ATP11A: variants seen among roughly 807,000 people sequenced by gnomAD.
ATP11A encodes the protein phospholipid-transporting ATPase IH.
In ATP11A, 81 loss-of-function variants were observed where a neutral mutation model predicts 154.4. That is an observed-to-expected ratio of 0.52 (90% CI 0.44 to 0.63). The LOEUF is 0.63. Ranked by LOEUF, ATP11A falls within the 30% of genes least tolerant of loss-of-function variation. The pLI, the probability that ATP11A is intolerant of heterozygous loss-of-function variation, is 0.00. For missense variants in ATP11A, 1,316 were observed against 1,474.3 expected (o/e 0.89, Z 1.76); for synonymous variants, 623 against 585.9 (o/e 1.06, Z -0.91).
At chr13:112,742,458 G>C (rs552902815) in intron 1 of ATP11A, among the ~76,000 whole-genome samples, 28 of 152,310 alleles carry the variant, frequency 1.8e-4, no homozygotes, top group African/African-American at 6.0e-4. Flanking sequence ...TGTGTGGGGG[G>C]ACTTATGACA....
At chr13:112,793,059 G>A (rs563341494) in intron 2 of ATP11A, among the ~76,000 whole-genome samples, 5 of 152,236 alleles carry the variant, frequency 3.3e-5, no homozygotes, top group Admixed American at 1.3e-4. Flanking sequence ...AAACAACCCT[G>A]TGAGCCCACC....
At chr13:112,749,379 C>T (rs1437491083) in intron 1 of ATP11A, among the ~76,000 whole-genome samples, 1 of 152,232 alleles carries the variant, frequency 6.6e-6, no homozygotes, top group East Asian at 1.9e-4. Flanking sequence ...TTTTAAAAGT[C>T]TTTCACTATT....
At chr13:112,765,871 C>T (rs2077064147) in intron 1 of ATP11A, among the ~76,000 whole-genome samples, 1 of 152,232 alleles carries the variant, frequency 6.6e-6, no homozygotes, top group African/African-American at 2.4e-5. Context: ...GTAAAGCAGC[C>T]ACTCCCCTCA....
chr13:112,815,730 C>G (rs1399918407), intron 5 of ATP11A, among the ~76,000 whole-genome samples: 1 of 152,200 alleles, frequency 6.6e-6, no homozygotes, highest in African/African-American at 2.4e-5. Flanking sequence ...TCTCAGAACT[C>G]GATTACCTGG....
intron 1 of ATP11A, among the ~76,000 whole-genome samples, chr13:112,712,177 A>G (rs1405910651): frequency 6.6e-6 from 1 of 152,166 alleles, no homozygotes; most frequent in African/African-American, 2.4e-5. Context: ...CTGCTTGAAA[A>G]TAGCACAGAT....
chr13:112,798,161 G>C (rs561709687), intron 2 of ATP11A, among the ~76,000 whole-genome samples: 1 of 152,338 alleles, frequency 6.6e-6, no homozygotes, highest in Admixed American at 6.5e-5. Context: ...GGCGGAATCA[G>C]AACTCTTGAA....
chr13:112,750,869 GTCA>G (rs1167087129), intron 1 of ATP11A, among the ~76,000 whole-genome samples: 1 of 152,176 alleles, frequency 6.6e-6, no homozygotes, highest in African/African-American at 2.4e-5. Flanking sequence ...GATAATTACC[GTCA>G]TCATGATATT....
intron 28 of ATP11A, among the ~76,000 whole-genome samples, chr13:112,877,761 C>T (rs72660068): frequency 0.012 from 1,793 of 152,316 alleles, 16 homozygotes; most frequent in Middle Eastern, 0.031. Flanking sequence ...GCACTGTGCA[C>T]GCAGCCTCCA....
intron 8 of ATP11A, 135 bp downstream of exon 8, chr13:112,820,085 C>T (rs2078758014): frequency 1.2e-6 from 1 of 817,638 alleles, no homozygotes; most frequent in Non-Finnish European, 1.8e-6. Context: ...TCCCACAGGG[C>T]CGGGCTCCAC....
intron 25 of ATP11A, among the ~76,000 whole-genome samples, chr13:112,868,710 G>T (rs1274064488): frequency 6.6e-6 from 1 of 152,240 alleles, no homozygotes; most frequent in East Asian, 1.9e-4. Flanking sequence ...AGCAATTGTA[G>T]TAATAAACTA....
intron 4 of ATP11A, among the ~76,000 whole-genome samples, chr13:112,810,320 T>C (rs2078453366): frequency 6.6e-6 from 1 of 152,248 alleles, no homozygotes; most frequent in Admixed American, 6.5e-5. Context: ...GTCCATGTCA[T>C]GAATAGGCAC....
In ATP11A at chr13:112,742,949, T is replaced by C. The variant is rs760304651; in HGVS notation, c.40-42186T>C. On this transcript the variant is annotated intron_variant, in intron 1 of 29. Transcript: ENST00000375645. Reference sequence around the variant, plus strand: ...GGGGAGAGGCACTCACTCAAGAATTTCCTAGATGTCTGATACAGAACTCAC... The same window carrying C: ...GGGGAGAGGCACTCACTCAAGAATTCCCTAGATGTCTGATACAGAACTCAC... 5.5e-4 allele frequency among the ~76,000 whole-genome samples: 83 copies of C among 152,216 alleles called. 1 individual carries two copies. Among genetic ancestry groups the C allele is most frequent in the Admixed American group, 4.6e-3 (70 of 15,278 alleles).
chr13:112,706,926 T>C (rs534633244), intron 1 of ATP11A, among the ~76,000 whole-genome samples: 2 of 152,376 alleles, frequency 1.3e-5, no homozygotes, highest in South Asian at 2.1e-4. Flanking sequence ...TTTTTGCGAC[T>C]GAGTTATTAC....
chr13:112,741,964 C>T (rs1044795892), intron 1 of ATP11A, among the ~76,000 whole-genome samples: 1 of 151,948 alleles, frequency 6.6e-6, no homozygotes, highest in Non-Finnish European at 1.5e-5. Flanking sequence ...GCTCCCCTTC[C>T]CCACGGAAGA....
At chr13:112,700,926 C>A (rs1886441201) in intron 1 of ATP11A, among the ~76,000 whole-genome samples, 1 of 152,250 alleles carries the variant, frequency 6.6e-6, no homozygotes, top group Admixed American at 6.5e-5. Flanking sequence ...CTTGGACCTG[C>A]TTCTCTCGCC....
chr13:112,782,829 G>A (rs1009155408), intron 1 of ATP11A, among the ~76,000 whole-genome samples: 1 of 152,214 alleles, frequency 6.6e-6, no homozygotes, highest in Non-Finnish European at 1.5e-5. Context: ...ACCCAAGGTC[G>A]CGCTGAGGAA....
chr13:112,797,117 A>C (rs1381148815), intron 2 of ATP11A, among the ~76,000 whole-genome samples: 1 of 151,580 alleles, frequency 6.6e-6, no homozygotes, highest in Non-Finnish European at 1.5e-5. Flanking sequence ...AAAAAATAAA[A>C]ATTTTTTTTA....
chr13:112,769,293 G>C (rs1351048568), intron 1 of ATP11A, among the ~76,000 whole-genome samples: 3 of 152,290 alleles, frequency 2.0e-5, no homozygotes, highest in Admixed American at 6.5e-5. Context: ...CTGCAGCCCC[G>C]CCCTCCTCTC....
At chr13:112,731,652 G>A (rs1044701643) in intron 1 of ATP11A, among the ~76,000 whole-genome samples, 1 of 152,172 alleles carries the variant, frequency 6.6e-6, no homozygotes, top group Non-Finnish European at 1.5e-5. Flanking sequence ...GGAAGGTGCG[G>A]GAGGAGACAG....
Sources: allele counts gnomAD v4.1 joint callset (sites outside exome capture counted in the v4.1 genomes callset), GRCh38; gene constraint gnomAD v4.1.1; transcripts MANE v1.5; gene names NCBI Gene and HGNC (gene_info 2026-07-23, HGNC 2026-07-21).